TET1: variants seen among roughly 807,000 people sequenced by gnomAD.
TET1 encodes methylcytosine dioxygenase TET1.
In TET1, 13 loss-of-function variants were observed where a neutral mutation model predicts 148.7. The observed-to-expected ratio is 0.09, with a 90% confidence interval of 0.06 to 0.14. The LOEUF (loss-of-function observed/expected upper bound fraction) is 0.14. Among genes scored for constraint, TET1 ranks in the 10% least tolerant of loss-of-function variants. TET1 has a pLI of 1.00. For synonymous variants in TET1, 907 were observed against 937.2 expected, an observed-to-expected ratio of 0.97 and a Z score of 0.59; for missense variants, 2,182 against 2,553.8, an observed-to-expected ratio of 0.85 and a Z score of 3.14.
intron 3 of TET1, among the ~76,000 whole-genome samples, chr10:68,626,793 C>T (rs1177235618): frequency 2.6e-5 from 4 of 152,034 alleles, no homozygotes; most frequent in Non-Finnish European, 4.4e-5. Flanking sequence ...CTCAAGTGAT[C>T]TGCCCTCAGA....
intron 3 of TET1, among the ~76,000 whole-genome samples, chr10:68,629,560 A>G (rs1361626168): frequency 1.3e-5 from 2 of 151,476 alleles, no homozygotes; most frequent in Non-Finnish European, 2.9e-5. Flanking sequence ...TTTGAGACAA[A>G]GTCTCCCTCT....
chr10:68,640,902 T>C (rs1384803830), intron 3 of TET1, among the ~76,000 whole-genome samples: 1 of 151,820 alleles, frequency 6.6e-6, no homozygotes, highest in Non-Finnish European at 1.5e-5. Flanking sequence ...GTAATATTTA[T>C]ACAATATTTA....
At chr10:68,682,518 T>C (rs1480752128) in intron 9 of TET1, among the ~76,000 whole-genome samples, 1 of 152,214 alleles carries the variant, frequency 6.6e-6, no homozygotes, top group Non-Finnish European at 1.5e-5. Flanking sequence ...TGTATATGAT[T>C]AATGCGCTTT....
chr10:68,627,756 T>C (rs1391977741), intron 3 of TET1, among the ~76,000 whole-genome samples: 2 of 139,448 alleles, frequency 1.4e-5, no homozygotes, highest in African/African-American at 2.6e-5. Context: ...TGAAACCCCG[T>C]CTCTACCAAA....
At chr10:68,631,433 C>CTTTTTTTT (rs546257824) in intron 3 of TET1, among the ~76,000 whole-genome samples, 3,385 of 109,800 alleles carry the variant, frequency 0.031, no homozygotes, top group Non-Finnish European at 0.042. Context: ...TTTCTTTCTT[C>CTTTTTTTT]TTTTTTTTTT....
intron 2 of TET1, among the ~76,000 whole-genome samples, chr10:68,588,009 C>T (rs34449351): frequency 0.15 from 23,381 of 151,904 alleles, 1,974 homozygotes; most frequent in South Asian, 0.24. Context: ...AGTACAGGTG[C>T]GCACCATTAC....
rs1326291866 is a variant in TET1 at position 68,690,725 on chromosome 10, C to T, written c.5405-83C>T. On this transcript the variant is annotated intron_variant, in intron 11 of 11. Transcript: ENST00000373644. ...GCGTTTTCTTATATAATTCTTTGTA[C>T]TTGTCTTTGAAAATACTTTTTAAAA... The T allele has an allele frequency of 2.9e-6, 4 of 1,376,426 alleles. No homozygotes were observed. In the Admixed American group the frequency reaches 7.1e-5, roughly 25 times the overall value. 85.3% of individuals were successfully genotyped at this position (1,376,426 alleles called of 1,614,324 possible). A position where few individuals can be genotyped will look rare whatever the true frequency, so the allele number is the denominator to read the frequency against.
chr10:68,662,085 T>C (rs2055128349), intron 6 of TET1, among the ~76,000 whole-genome samples: 1 of 151,978 alleles, frequency 6.6e-6, no homozygotes, highest in African/African-American at 2.4e-5. Flanking sequence ...ATGTTGGCCA[T>C]GCTGGTCTCA....
At position 68,604,145 on chromosome 10, in the gene TET1, G is replaced by A. The variant is rs2054093268; in HGVS notation, c.1968+3111G>A. On this transcript the variant is annotated intron_variant, in intron 3 of 11. Coordinates refer to ENST00000373644, the MANE Select transcript of TET1 (RefSeq NM_030625.3). The stretch of plus-strand genomic sequence containing the variant: ...TCACGAACTTAGCCTTTTAAGTGAC[G>A]TGGTTTGGAATTCCTCTTGGAAGAA... Among the ~76,000 whole-genome samples the A allele has an allele frequency of 2.6e-5, 4 of 152,180 alleles. No individual in the cohort carries two copies. The South Asian group carries it at 8.3e-4, about 32-fold the overall frequency.
chr10:68,682,099 T>TTC (rs2055443729), intron 9 of TET1, among the ~76,000 whole-genome samples: 2 of 105,578 alleles, frequency 1.9e-5, no homozygotes, highest in Admixed American at 9.2e-5. Flanking sequence ...TACTCTTTTT[T>TTC]TTTTTTTTTT....
At chr10:68,671,185 CCT>C (rs1490556727) in intron 7 of TET1, among the ~76,000 whole-genome samples, 1 of 152,072 alleles carries the variant, frequency 6.6e-6, no homozygotes, top group African/African-American at 2.4e-5. Flanking sequence ...TTTTTCTGAT[CCT>C]CTCTGTCTTC....
chr10:68,600,640 CA>C (rs2054043142), intron 2 of TET1, among the ~76,000 whole-genome samples: 2 of 152,136 alleles, frequency 1.3e-5, no homozygotes, highest in South Asian at 4.1e-4. Flanking sequence ...ATAATAATAC[CA>C]AAAAGCAGTT....
chr10:68,601,572 A>T (rs1161107152), intron 3 of TET1, among the ~76,000 whole-genome samples: 1 of 152,270 alleles, frequency 6.6e-6, no homozygotes, highest in Non-Finnish European at 1.5e-5. Context: ...TCATGAAGCC[A>T]TAAGAATATG....
At chr10:68,624,644 C>CTTTCTTTCT in intron 3 of TET1, among the ~76,000 whole-genome samples, 1 of 51,478 alleles carries the variant, frequency 1.9e-5, no homozygotes, top group Non-Finnish European at 3.4e-5. Flanking sequence ...TTCTTTCTTT[C>CTTTCTTTCT]TTTCTTTCTT....
chr10:68,673,158 T>A, intron 8 of TET1, 113 bp downstream of exon 8: 2 of 710,856 alleles, frequency 2.8e-6, no homozygotes, highest in Non-Finnish European at 4.1e-6. Context: ...TGAAAAGTAG[T>A]AATCAAATAG....
chr10:68,598,703 T>TC (rs1235713299), intron 2 of TET1, among the ~76,000 whole-genome samples: 50 of 148,480 alleles, frequency 3.4e-4, no homozygotes, highest in Admixed American at 1.9e-3. Flanking sequence ...TTTCTTTCTT[T>TC]TTTTTTTTTT....
intron 3 of TET1, among the ~76,000 whole-genome samples, chr10:68,622,125 TC>T (rs1213327626): frequency 3.4e-4 from 51 of 152,234 alleles, no homozygotes; most frequent in Admixed American, 9.2e-4. Context: ...CCCACGAATG[TC>T]CTTTTTTGGG....
At chr10:68,669,376 C>T (rs1414091323) in intron 7 of TET1, among the ~76,000 whole-genome samples, 1 of 151,250 alleles carries the variant, frequency 6.6e-6, no homozygotes, top group African/African-American at 2.4e-5. Flanking sequence ...GGTGGCGTGA[C>T]CTCAGCTCAC....
chr10:68,671,997 C>T (rs1401628853), intron 7 of TET1, among the ~76,000 whole-genome samples: 2 of 152,124 alleles, frequency 1.3e-5, no homozygotes, highest in Non-Finnish European at 2.9e-5. Flanking sequence ...CCACCTTGGC[C>T]TCCCAAGGGC....
Sources: gnomAD v4.1 joint callset for allele counts (sites outside exome capture counted in the v4.1 genomes callset) on GRCh38, gnomAD v4.1.1 for gene constraint, MANE v1.5 for transcripts, NCBI Gene and HGNC (gene_info 2026-07-23, HGNC 2026-07-21) for gene names.